CDKAL1: variants seen among roughly 807,000 people sequenced by gnomAD.
The protein encoded by CDKAL1 is threonylcarbamoyladenosine tRNA methylthiotransferase.
In CDKAL1, 32 loss-of-function variants were observed where a neutral mutation model predicts 68.2. That is an observed-to-expected ratio of 0.47 (90% confidence interval 0.35 to 0.63). The LOEUF (loss-of-function observed/expected upper bound fraction) is 0.63, where lower values mean the gene tolerates loss of function less well. Among genes scored for constraint, CDKAL1 ranks in the 30% least tolerant of loss-of-function variants. The probability of loss-of-function intolerance (pLI) is 0.00; values close to 1 mark genes in which losing one functional copy is unlikely to be tolerated. For synonymous variants in CDKAL1, 234 were observed against 244.3 expected, an observed-to-expected ratio of 0.96 and a Z score of 0.39; for missense variants, 606 against 696.7, an observed-to-expected ratio of 0.87 and a Z score of 1.47.
intron 10 of CDKAL1, among the ~76,000 whole-genome samples, chr6:20,967,000 G>C (rs1010574513): frequency 6.6e-6 from 1 of 152,164 alleles, no homozygotes; most frequent in Non-Finnish European, 1.5e-5. Context: ...CTCTGAGAGA[G>C]AATTTGTTCT....
chr6:20,927,368 T>C (rs995742525), intron 9 of CDKAL1, among the ~76,000 whole-genome samples: 2 of 152,196 alleles, frequency 1.3e-5, no homozygotes, highest in Admixed American at 1.3e-4. Context: ...GCACTGTGAT[T>C]TCAAAAAGCA....
chr6:21,097,876 A>G (rs1773396430), intron 12 of CDKAL1, among the ~76,000 whole-genome samples: 2 of 152,266 alleles, frequency 1.3e-5, no homozygotes, highest in African/African-American at 2.4e-5. Flanking sequence ...TAATAATTCC[A>G]TCCAGCACAA....
chr6:21,230,855 G>A lies in CDKAL1; in HGVS notation c.1556G>A (p.Arg519Lys). ...GEVSGLTKDFRNGLGNQLSSG... is the reference protein window; with the variant it reads ...GEVSGLTKDFKNGLGNQLSSG... ...CTGTTTCTCTCTTTATAGGACTTCA[G>A]AAATGGGCTTGGGAACCAGCTGAGT... Residue 519 changes from arginine to lysine, a missense_variant, in exon 16 of 16, where the codon AGA becomes AAA. Transcript: ENST00000274695. 6.2e-7 allele frequency: 1 copy of A among 1,602,118 alleles called. No homozygotes were observed. The highest frequency in any genetic ancestry group is 1.1e-5 in the South Asian group (1 of 89,724).
At chr6:20,968,262 A>T (rs59888820) in intron 10 of CDKAL1, among the ~76,000 whole-genome samples, 13,991 of 149,598 alleles carry the variant, frequency 0.094, 1,089 homozygotes, top group African/African-American at 0.22. Context: ...GGGCTCAAGC[A>T]CTTCTCTCAT....
At chr6:20,670,262 C>G (rs1769750114) in intron 5 of CDKAL1, among the ~76,000 whole-genome samples, 1 of 152,150 alleles carries the variant, frequency 6.6e-6, no homozygotes, top group African/African-American at 2.4e-5. Flanking sequence ...CTTTGCCACT[C>G]AAATCAAATT....
At chr6:21,063,549 C>T (rs953741659) in intron 11 of CDKAL1, among the ~76,000 whole-genome samples, 5 of 151,996 alleles carry the variant, frequency 3.3e-5, no homozygotes, top group African/African-American at 4.8e-5. Flanking sequence ...AAGTCTCAAC[C>T]GTGAATGAGA....
chr6:20,998,164 T>C (rs1293388827), intron 10 of CDKAL1, among the ~76,000 whole-genome samples: 11 of 152,144 alleles, frequency 7.2e-5, no homozygotes, highest in Admixed American at 7.2e-4. Context: ...TTTGTACAGT[T>C]ATGTTTCTTA....
At chr6:20,575,293 C>T (rs1171275051) in intron 4 of CDKAL1, among the ~76,000 whole-genome samples, 2 of 151,920 alleles carry the variant, frequency 1.3e-5, no homozygotes, top group Non-Finnish European at 2.9e-5. Context: ...CAGTTTTCAA[C>T]TTTAGATATC....
intron 7 of CDKAL1, among the ~76,000 whole-genome samples, chr6:20,762,001 G>A (rs1774490380): frequency 6.6e-6 from 1 of 152,126 alleles, no homozygotes; most frequent in Non-Finnish European, 1.5e-5. Context: ...TAGTTGGAGA[G>A]GCTGTGTGTG....
intron 4 of CDKAL1, among the ~76,000 whole-genome samples, chr6:20,558,135 G>A (rs1015634307): frequency 6.6e-6 from 1 of 152,150 alleles, no homozygotes. Flanking sequence ...AGCTGCCTTT[G>A]TGTGAGGATC....
Position 21,138,721 on chromosome 6 carries a change from A to C in CDKAL1, c.1299+30258A>C, listed in dbSNP as rs73383766. 8.1e-3 allele frequency among the ~76,000 whole-genome samples: 1,239 copies of C among 152,222 alleles called. 13 individuals are homozygous for C. The highest frequency in any genetic ancestry group is 0.027 in the African/African-American group (1,107 of 41,548). On this transcript the variant is annotated intron_variant, in intron 13 of 15. Coordinates refer to ENST00000274695, the MANE Select transcript of CDKAL1 (RefSeq NM_017774.3). ...GAATTATTAAATATTTTCATGTTTCATTTCTCACATCTTTCAATGGCAATT... is the reference window on the plus strand; with the variant it reads ...GAATTATTAAATATTTTCATGTTTCCTTTCTCACATCTTTCAATGGCAATT...
chr6:20,732,360 C>T (rs1486120312), intron 5 of CDKAL1, among the ~76,000 whole-genome samples: 1 of 145,472 alleles, frequency 6.9e-6, no homozygotes, highest in Non-Finnish European at 1.5e-5. Context: ...AGTGCAACCT[C>T]TGCCTCCGGG....
intron 15 of CDKAL1, among the ~76,000 whole-genome samples, chr6:21,214,255 A>G (rs1046624332): frequency 6.6e-6 from 1 of 152,182 alleles, no homozygotes; most frequent in Non-Finnish European, 1.5e-5. Context: ...GTTGCACAAC[A>G]TGGTAAATAT....
At chr6:20,952,408 C>A (rs937900157) in intron 9 of CDKAL1, among the ~76,000 whole-genome samples, 3 of 152,138 alleles carry the variant, frequency 2.0e-5, no homozygotes, top group Non-Finnish European at 4.4e-5. Flanking sequence ...AGGCTGTGTT[C>A]ATGAAGACTG....
intron 15 of CDKAL1, among the ~76,000 whole-genome samples, chr6:21,202,085 A>G (rs996117337): frequency 3.3e-5 from 5 of 152,334 alleles, no homozygotes; most frequent in Admixed American, 2.0e-4. Context: ...TTGCAAGGAC[A>G]TGTTCGTTAA....
chr6:20,919,115 C>G (rs1762840857), intron 9 of CDKAL1, among the ~76,000 whole-genome samples: 2 of 152,134 alleles, frequency 1.3e-5, no homozygotes, highest in South Asian at 4.1e-4. Flanking sequence ...TTAAAGGGGA[C>G]AGAATTAGCC....
In CDKAL1 at chr6:20,804,221, C is replaced by G. The variant is rs929394573; in HGVS notation, c.638+22956C>G. Reference sequence around the variant, plus strand: ...CTTAATTGAGTGCATACTATTGTGCCAGCTATGATGGTAGGTGTACGGATA... The same window carrying G: ...CTTAATTGAGTGCATACTATTGTGCGAGCTATGATGGTAGGTGTACGGATA... On this transcript the variant is annotated intron_variant, in intron 8 of 15. Transcript: ENST00000274695. Among the ~76,000 whole-genome samples the G allele has an allele frequency of 3.3e-5, 5 of 151,944 alleles. No individual in the cohort carries two copies. In the South Asian group the frequency reaches 1.0e-3, roughly 32 times the overall value.
intron 4 of CDKAL1, among the ~76,000 whole-genome samples, chr6:20,586,171 A>C (rs189282487): frequency 1.3e-5 from 2 of 152,306 alleles, no homozygotes; most frequent in East Asian, 1.9e-4. Context: ...ACTGTGGTCT[A>C]AGCCAGCATC....
chr6:21,027,097 T>C (rs1371598422), intron 11 of CDKAL1, among the ~76,000 whole-genome samples: 2 of 152,112 alleles, frequency 1.3e-5, no homozygotes, highest in African/African-American at 2.4e-5. Flanking sequence ...GCCATAACCC[T>C]ACCACCAGCA....
Sources: gnomAD v4.1 joint callset for allele counts (sites outside exome capture counted in the v4.1 genomes callset) on GRCh38, gnomAD v4.1.1 for gene constraint, MANE v1.5 for transcripts, NCBI Gene and HGNC (gene_info 2026-07-23, HGNC 2026-07-21) for gene names.